Variants in MUC17 observed in about 807,000 individuals in gnomAD.
The protein encoded by MUC17 is mucin 17, cell surface associated.
Under a neutral mutation model 170.3 loss-of-function variants are expected in MUC17, and 190 were observed. That is an observed-to-expected ratio of 1.12 (90% CI 0.99 to 1.26). The LOEUF (loss-of-function observed/expected upper bound fraction) is 1.26. Ranked by LOEUF, MUC17 falls within the 50% of genes most tolerant of loss-of-function variation. MUC17 has a pLI of 0.00. For missense variants in MUC17, 6,415 were observed against 5,530.0 expected (o/e 1.16, Z -5.08); for synonymous variants, 2,325 against 2,002.5 (o/e 1.16, Z -4.30).
Position 101,041,999 on chromosome 7 carries a change from C to T in MUC17, c.10583C>T (p.Pro3528Leu), listed in dbSNP as rs138122519. 3,208 of 1,612,914 alleles carry T rather than the reference C, an allele frequency of 2.0e-3. 5 individuals are homozygous for T. Among genetic ancestry groups the T allele is most frequent in the African/African-American group, 2.9e-3 (214 of 74,882 alleles). The change falls in exon 3 of 13, where the codon CCG becomes CTG. Residue 3528 changes from proline (P) to leucine (L), a missense_variant. Physicochemically the swap from Pro to Leu is moderately conservative, Grantham distance 98. Transcript: ENST00000306151. ...PLTNMPVSTT[P>L]VASSEASTLS... ...ACAAATATGCCTGTCAGCACCACAC[C>T]GGTGGCCAGTTCTGAGGCTAGCACC... is the stretch of plus-strand genomic sequence containing the variant.
intron 9 of MUC17, among the ~76,000 whole-genome samples, chr7:101,052,346 C>A (rs1295031142): frequency 1.3e-5 from 2 of 152,110 alleles, no homozygotes; most frequent in South Asian, 2.1e-4. Context: ...GGGGAGAAGC[C>A]CTCTAGCCCA....
At chr7:101,025,304 A>T (rs977032820) in intron 1 of MUC17, among the ~76,000 whole-genome samples, 1 of 151,728 alleles carries the variant, frequency 6.6e-6, no homozygotes, top group Non-Finnish European at 1.5e-5. Context: ...TGGAGGCTGC[A>T]ATAAGCCATG....
At chr7:101,026,777 C>T (rs1479752180) in intron 1 of MUC17, among the ~76,000 whole-genome samples, 1 of 152,164 alleles carries the variant, frequency 6.6e-6, no homozygotes, top group Non-Finnish European at 1.5e-5. Context: ...GGTAGCATCT[C>T]ACCATGTTGC....
chr7:101,040,179 A>T lies in MUC17; in HGVS notation c.8763A>T (p.Ser2921=), dbSNP rs1367571760. Residue 2921 remains serine, a synonymous_variant, in exon 3 of 13, where the codon TCA becomes TCT. Transcript: ENST00000306151. The stretch of plus-strand genomic sequence containing the variant: ...CTGAAGGTACCAGCATGCCAATCTC[A>T]ACTCCTAGTGAAGTAAGTACTCCAT... ...TTAEGTSMPI[S]TPSEVSTPLT... The T allele has an allele frequency of 5.6e-6, 9 of 1,612,922 alleles. No individual in the cohort carries two copies. Among genetic ancestry groups the T allele is most frequent in the Middle Eastern group, 1.7e-4 (1 of 6,058 alleles).
At chr7:101,026,735 C>A (rs954690930) in intron 1 of MUC17, among the ~76,000 whole-genome samples, 1 of 152,134 alleles carries the variant, frequency 6.6e-6, no homozygotes, top group Admixed American at 6.5e-5. Context: ...GAGGTAAGCA[C>A]CACCACGCCC....
At position 101,034,236 on chromosome 7, in the gene MUC17, G is replaced by C. The variant is rs1270741079; in HGVS notation, c.2820G>C (p.Glu940Asp). 17 of 1,598,004 alleles carry C rather than the reference G, an allele frequency of 1.1e-5. No homozygotes were observed. Among genetic ancestry groups the C allele is most frequent in the Non-Finnish European group, 1.4e-5 (17 of 1,172,804 alleles). ...PDSTTPVVSS[E>D]ARTLSATPVD... ...GCACCACGCCGGTAGTCAGTTCTGA[G>C]GCTAGAACACTTTCAGCAACTCCTG... The change falls in exon 3 of 13, where the codon GAG (glutamate) becomes GAC (aspartate). Residue 940 changes from glutamate (E) to aspartate (D), a missense_variant. By Grantham distance (45) the Glu-to-Asp change is conservative. Transcript: ENST00000306151.
rs1426766975 is a variant in MUC17 at position 101,033,638 on chromosome 7, C to T, written c.2222C>T (p.Thr741Ile). Reference protein sequence around the residue: ...TADGASMPTSTPSEGSTPLTS... With the variant: ...TADGASMPTSIPSEGSTPLTS... ...GATGGTGCCAGTATGCCAACCTCAA[C>T]TCCTAGTGAAGGAAGCACTCCATTA... Residue 741 changes from threonine (T) to isoleucine (I), a missense_variant, in exon 3 of 13, where the codon ACT becomes ATT. Thr to Ile is a moderately conservative substitution (Grantham distance 89). Transcript: ENST00000306151. 6.2e-7 allele frequency: 1 copy of T among 1,613,652 alleles called. No individual in the cohort carries two copies. The highest frequency in any genetic ancestry group is 1.3e-5 in the African/African-American group (1 of 74,856).
chr7:101,052,151 G>A (rs1019482074), intron 9 of MUC17, among the ~76,000 whole-genome samples, 189 bp downstream of exon 9: 3 of 152,208 alleles, frequency 2.0e-5, no homozygotes, highest in African/African-American at 7.2e-5. Flanking sequence ...TGAGCTCCAA[G>A]GCTGTGTCCA....
chr7:101,039,647 C>G lies in MUC17; in HGVS notation c.8231C>G (p.Ser2744Ter). Reference sequence around the variant, plus strand: ...GCTGAAGGTACCAGCATGCGAATCTCAACTCCTAGTGATGGAAGTACTCCA... The same window carrying G: ...GCTGAAGGTACCAGCATGCGAATCTGAACTCCTAGTGATGGAAGTACTCCA... ...TTAEGTSMRI[S>*]TPSDGSTPLT... The change falls in exon 3 of 13, where the codon TCA (serine) becomes TGA (stop). Residue 2744 changes from serine (S) to a stop codon, truncating the protein, a stop_gained. Transcript: ENST00000306151. LOFTEE classifies it high-confidence loss of function. The G allele has an allele frequency of 6.2e-7, 1 of 1,612,896 alleles. No homozygotes were observed.
At position 101,036,508 on chromosome 7, in the gene MUC17, A is replaced by G. The variant is rs761808252; in HGVS notation, c.5092A>G (p.Arg1698Gly). ...GRTPLTSITV[R>G]TTPVASSAIS... is the part of the protein sequence containing the mutation. ...AACTCCTTTAACAAGTATAACTGTC[A>G]GAACAACACCGGTGGCCAGCTCTGC... Residue 1698 changes from arginine (R) to glycine (G), a missense_variant, in exon 3 of 13, where the codon AGA (arginine) becomes GGA (glycine). Transcript: ENST00000306151. The G allele has an allele frequency of 1.9e-6, 3 of 1,610,758 alleles. No individual in the cohort carries two copies.
Position 101,053,060 on chromosome 7 carries a change from G to T in MUC17, c.13178G>T (p.Gly4393Val). The stretch of plus-strand genomic sequence containing the variant: ...GGCACCCAGAAGAGTCTGGTGTACG[G>T]CCTCGTGGGGGCAGGGGTCGTGCTG... The part of the protein sequence containing the change: ...NQGTQKSLVY[G>V]LVGAGVVLML... Residue 4393 changes from glycine (G) to valine (V), a missense_variant, in exon 10 of 13, where the codon GGC becomes GTC. By Grantham distance (109) the Gly-to-Val change is moderately radical. Coordinates refer to ENST00000306151, the MANE Select transcript of MUC17 (RefSeq NM_001040105.2). 1 of 1,614,136 alleles carries T rather than the reference G, an allele frequency of 6.2e-7. No homozygotes were observed. The highest frequency in any genetic ancestry group is 1.1e-5 in the South Asian group (1 of 91,078).
chr7:101,025,267 G>A (rs1438216835), intron 1 of MUC17, among the ~76,000 whole-genome samples: 1 of 152,074 alleles, frequency 6.6e-6, no homozygotes, highest in East Asian at 1.9e-4. Flanking sequence ...GGAGGCTGAG[G>A]TAGGAGGATC....
chr7:101,042,184 A>T lies in MUC17; in HGVS notation c.10768A>T (p.Ser3590Cys). The part of the protein sequence containing the change: ...TMLLSSTYVT[S>C]SEASTPSTPS... ...GCTCCTCAGCAGCACATATGTGACC[A>T]GTTCTGAGGCTAGCACACCTTCCAC... Residue 3590 changes from serine (S) to cysteine (C), a missense_variant, in exon 3 of 13, where the codon AGT (serine) becomes TGT (cysteine). Physicochemically the swap from Ser to Cys is moderately radical, Grantham distance 112. Coordinates refer to ENST00000306151, the MANE Select transcript of MUC17 (RefSeq NM_001040105.2). The T allele has an allele frequency of 1.2e-6, 2 of 1,614,220 alleles. No individual in the cohort carries two copies. Among genetic ancestry groups the T allele is most frequent in the Non-Finnish European group, 1.7e-6 (2 of 1,180,028 alleles).
Position 101,036,893 on chromosome 7 carries a change from G to A in MUC17, c.5477G>A (p.Ser1826Asn), listed in dbSNP as rs200515355. The change falls in exon 3 of 13, where the codon AGC becomes AAC. Residue 1826 changes from serine (S) to asparagine (N), a missense_variant. Ser to Asn is a conservative substitution (Grantham distance 46). Transcript: ENST00000306151. Reference protein sequence around the residue: ...SHTLVANSEASTLSTTPVDSN... With the variant: ...SHTLVANSEANTLSTTPVDSN... ...ACGCTGGTGGCCAATTCTGAGGCTA[G>A]CACCCTTTCAACAACTCCTGTTGAC... 16 of 1,613,326 alleles carry A rather than the reference G, an allele frequency of 9.9e-6. No homozygotes were observed. Among genetic ancestry groups the A allele is most frequent in the Admixed American group, 5.0e-5 (3 of 59,988 alleles).
In MUC17 at chr7:101,032,248, A is replaced by G. The variant is rs1312614040; in HGVS notation, c.832A>G (p.Thr278Ala). The change falls in exon 3 of 13, where the codon ACA (threonine) becomes GCA (alanine). Residue 278 changes from threonine (T) to alanine (A), a missense_variant. Thr to Ala is a moderately conservative substitution (Grantham distance 58, BLOSUM62 0). Coordinates refer to ENST00000306151, the MANE Select transcript of MUC17 (RefSeq NM_001040105.2). ...TCCTAGTGGAGGAAGCACTCCATTA[A>G]CAAGAATGCCTCTCAGCGTGATGCT... ...SAPSGGSTPL[T>A]RMPLSVMLVV... The G allele has an allele frequency of 1.2e-6, 2 of 1,613,976 alleles. No individual in the cohort carries two copies. Among genetic ancestry groups the G allele is most frequent in the Non-Finnish European group, 1.7e-6 (2 of 1,179,978 alleles).
In MUC17 at chr7:101,032,577, T is replaced by C. The variant is rs148536035; in HGVS notation, c.1161T>C (p.Thr387=). 1 of 1,613,950 alleles carries C rather than the reference T, an allele frequency of 6.2e-7. No individual in the cohort carries two copies. The highest frequency in any genetic ancestry group is 8.5e-7 in the Non-Finnish European group (1 of 1,179,982). The stretch of plus-strand genomic sequence containing the variant: ...AAGCTACCAGCATGCTAACCTCAAC[T>C]CTTAGTGAAGGAAGCACTCCATTAA... The part of the protein sequence containing the change: ...TAEATSMLTS[T]LSEGSTPLTN... Residue 387 remains threonine (T), a synonymous_variant, in exon 3 of 13, where the codon ACT becomes ACC. Coordinates refer to ENST00000306151, the MANE Select transcript of MUC17 (RefSeq NM_001040105.2).
Position 101,048,091 on chromosome 7 carries a change from G to A in MUC17, c.12511G>A (p.Glu4171Lys). 2 of 1,603,850 alleles carry A rather than the reference G, an allele frequency of 1.2e-6. No individual in the cohort carries two copies. Among genetic ancestry groups the A allele is most frequent in the East Asian group, 2.3e-5 (1 of 43,880 alleles). Residue 4171 changes from glutamate (E) to lysine (K), a missense_variant, in exon 4 of 13, where the codon GAG becomes AAG. By Grantham distance (56) the Glu-to-Lys change is moderately conservative. Transcript: ENST00000306151. ...CCTCTATTATGGGGAGTTGTGTGAGGAGGTGGTCAGCAGCATTGACATAGG... is the reference window on the plus strand; with the variant it reads ...CCTCTATTATGGGGAGTTGTGTGAGAAGGTGGTCAGCAGCATTGACATAGG... ...PNLYYGELCEEVVSSIDIGPP... is the reference protein window; with the variant it reads ...PNLYYGELCEKVVSSIDIGPP...
Position 101,038,916 on chromosome 7 carries a change from T to G in MUC17, c.7500T>G (p.Ala2500=). ...STEASSSPTT[A]EDIVVPISTA... is the part of the protein sequence containing the mutation. Reference sequence around the variant, plus strand: ...AAGCCAGTTCATCTCCTACAACTGCTGAAGATATCGTCGTGCCAATCTCAA... The same window carrying G: ...AAGCCAGTTCATCTCCTACAACTGCGGAAGATATCGTCGTGCCAATCTCAA... The change falls in exon 3 of 13, where the codon GCT becomes GCG. Residue 2500 remains alanine (A), a synonymous_variant. Coordinates refer to ENST00000306151, the MANE Select transcript of MUC17 (RefSeq NM_001040105.2). 6.2e-7 allele frequency: 1 copy of G among 1,613,526 alleles called. No homozygotes were observed. The highest frequency in any genetic ancestry group is 1.1e-5 in the South Asian group (1 of 91,042).
rs768375276 is a variant in MUC17, at chr7:101,037,136, C to G, written c.5720C>G (p.Ser1907Cys). Residue 1907 changes from serine to cysteine, a missense_variant, in exon 3 of 13, where the codon TCT becomes TGT. Physicochemically the swap from Ser to Cys is moderately radical, Grantham distance 112. Transcript: ENST00000306151. ...PVTTYAQVSSSPTTADGSSMP... is the reference protein window; with the variant it reads ...PVTTYAQVSSCPTTADGSSMP... Reference sequence around the variant, plus strand: ...ACCACTTATGCTCAAGTCAGTTCATCTCCTACAACTGCTGACGGTAGCAGC... The same window carrying G: ...ACCACTTATGCTCAAGTCAGTTCATGTCCTACAACTGCTGACGGTAGCAGC... The G allele has an allele frequency of 3.7e-6, 6 of 1,612,468 alleles. No homozygotes were observed. The highest frequency in any genetic ancestry group is 5.1e-6 in the Non-Finnish European group (6 of 1,179,716).
Sources: gnomAD v4.1 joint callset for allele counts (sites outside exome capture counted in the v4.1 genomes callset) on GRCh38, gnomAD v4.1.1 for gene constraint, MANE v1.5 for transcripts, NCBI Gene and HGNC (gene_info 2026-07-23, HGNC 2026-07-21) for gene names.